The following SETD7 variants were observed in gnomAD, a reference collection of about 807,000 sequenced individuals.
SETD7 encodes the protein SET domain containing 7, histone lysine methyltransferase, also known as histone-lysine N-methyltransferase SETD7.
A neutral mutation model predicts 41.8 loss-of-function variants in SETD7; 16 were observed. The ratio of observed to expected loss-of-function variants is 0.38; its 90% CI spans 0.26 to 0.58. The LOEUF is 0.58. Among genes scored for constraint, SETD7 ranks in the 20% least tolerant of loss-of-function variants. The pLI is 0.64. For missense variants in SETD7, 346 were observed against 459.7 expected (o/e 0.75, Z 2.26); for synonymous variants, 163 against 169.7 (o/e 0.96, Z 0.31).
intron 2 of SETD7, 124 bp downstream of exon 2, chr4:139,546,796 G>T: frequency 7.6e-7 from 1 of 1,315,378 alleles, no homozygotes; most frequent in Non-Finnish European, 1.1e-6. Context: ...CTACAGGTAG[G>T]GGTTAATTTT....
In SETD7 at chr4:139,538,644, C is replaced by T. The variant is rs918116069; in HGVS notation, c.171-5278G>A. Among the ~76,000 whole-genome samples, 8 of 151,778 alleles carry T rather than the reference C, an allele frequency of 5.3e-5. 1 individual carries two copies. The highest frequency in any genetic ancestry group is 2.0e-4 in the Admixed American group (3 of 15,252). ...GGCCACTCTTTTCATTTCTATACCACGCATTTTCCTACCTTCTGTTTTTGT... is the reference window on the plus strand; with the variant it reads ...GGCCACTCTTTTCATTTCTATACCATGCATTTTCCTACCTTCTGTTTTTGT... On this transcript the variant is annotated intron_variant, in intron 2 of 7. Coordinates refer to ENST00000274031, the MANE Select transcript of SETD7 (RefSeq NM_030648.4).
chr4:139,526,212 A>G (rs982693155), intron 4 of SETD7, among the ~76,000 whole-genome samples: 1 of 151,852 alleles, frequency 6.6e-6, no homozygotes, highest in Admixed American at 6.6e-5. Flanking sequence ...TACCACACCC[A>G]GCTAAAGCAA....
chr4:139,511,965 G>C, intron 7 of SETD7, 122 bp from the exon 8 acceptor site: 1 of 1,442,818 alleles, frequency 6.9e-7, no homozygotes, highest in Non-Finnish European at 9.1e-7. Flanking sequence ...CCTGGTATGT[G>C]CCCAAAGTGT....
In SETD7 at chr4:139,517,867, G is replaced by C. The variant is rs772626078; in HGVS notation, c.920+18C>G. 1.9e-6 allele frequency: 3 copies of C among 1,607,328 alleles called. No homozygotes were observed. The highest frequency in any genetic ancestry group is 2.6e-6 in the Non-Finnish European group (3 of 1,176,030). On this transcript the variant is annotated intron_variant, in intron 7 of 7. Coordinates refer to ENST00000274031, the MANE Select transcript of SETD7 (RefSeq NM_030648.4). ...CCTGAGGCATAGATCCGCCCCAGCAGCTCTGGGTAATACTTACATATCGTA... is the reference window on the plus strand; with the variant it reads ...CCTGAGGCATAGATCCGCCCCAGCACCTCTGGGTAATACTTACATATCGTA...
downstream of SETD7, among the ~76,000 whole-genome samples, chr4:139,504,821 T>C (rs1423712509): frequency 6.6e-6 from 1 of 152,234 alleles, no homozygotes; most frequent in African/African-American, 2.4e-5. Context: ...ATCAATCATC[T>C]TAACCCATGA....
At chr4:139,497,098 T>C (rs529394530) in intron 7 of SETD7, among the ~76,000 whole-genome samples, 2 of 152,286 alleles carry the variant, frequency 1.3e-5, no homozygotes, top group South Asian at 4.1e-4. Flanking sequence ...TAAACCAGTT[T>C]TGTTCAACTT....
chr4:139,500,946 A>G (rs1473353519), intron 7 of SETD7, among the ~76,000 whole-genome samples: 4 of 151,986 alleles, frequency 2.6e-5, no homozygotes, highest in Non-Finnish European at 4.4e-5. Flanking sequence ...TTCCCACCTC[A>G]GGTCGTGGCT....
chr4:139,533,965 CTATGTATG>C (rs151148025), intron 2 of SETD7, among the ~76,000 whole-genome samples: 73 of 148,542 alleles, frequency 4.9e-4, no homozygotes, highest in African/African-American at 1.8e-3. Context: ...ATCTATATAT[CTATGTATG>C]TATGTATGTA....
downstream of SETD7, among the ~76,000 whole-genome samples, chr4:139,495,141 T>A (rs1053811284): frequency 1.3e-5 from 2 of 152,262 alleles, no homozygotes; most frequent in African/African-American, 4.8e-5. Context: ...TAATATCATT[T>A]CTACTGTGAA....
chr4:139,524,822 C>CT (rs1022204098), intron 4 of SETD7, among the ~76,000 whole-genome samples: 3 of 151,570 alleles, frequency 2.0e-5, no homozygotes, highest in Admixed American at 6.6e-5. Flanking sequence ...CCCTCCCCCA[C>CT]TTTTTTTTTC....
chr4:139,553,318 A>G (rs1044942885), intron 1 of SETD7, among the ~76,000 whole-genome samples: 31 of 152,212 alleles, frequency 2.0e-4, no homozygotes, highest in African/African-American at 7.0e-4. Context: ...AAAGATAGCT[A>G]TTGCAGAGGA....
chr4:139,516,530 T>C (rs1727032789), intron 7 of SETD7, among the ~76,000 whole-genome samples: 1 of 151,548 alleles, frequency 6.6e-6, no homozygotes, highest in African/African-American at 2.4e-5. Context: ...CAGAAGCTAA[T>C]TTTGTAATGT....
At chr4:139,505,138 A>G (rs1287908878), downstream of SETD7, among the ~76,000 whole-genome samples, 1 of 152,154 alleles carries the variant, frequency 6.6e-6, no homozygotes, top group East Asian at 1.9e-4. Context: ...AAAATAAAGC[A>G]GGAGATCTCA....
intron 7 of SETD7, 58 bp downstream of exon 7, chr4:139,517,827 C>A: frequency 6.5e-7 from 1 of 1,536,506 alleles, no homozygotes. Flanking sequence ...TTACTGCCCT[C>A]CTCCGTCTCA....
chr4:139,538,281 A>C (rs1172027023), intron 2 of SETD7, among the ~76,000 whole-genome samples: 1 of 152,234 alleles, frequency 6.6e-6, no homozygotes, highest in African/African-American at 2.4e-5. Context: ...AGATGCAGAA[A>C]GTAGAAATTC....
At chr4:139,513,871 G>T (rs1726947760) in intron 7 of SETD7, among the ~76,000 whole-genome samples, 1 of 152,254 alleles carries the variant, frequency 6.6e-6, no homozygotes, top group Admixed American at 6.5e-5. Flanking sequence ...CTGCCTGTGA[G>T]CATGCATGTG....
At chr4:139,530,914 C>T (rs1190149711) in intron 3 of SETD7, among the ~76,000 whole-genome samples, 1 of 152,020 alleles carries the variant, frequency 6.6e-6, no homozygotes, top group Non-Finnish European at 1.5e-5. Flanking sequence ...ACTTTTTTCT[C>T]CCCTTGTTCC....
At chr4:139,517,772 G>T in intron 7 of SETD7, 113 bp downstream of exon 7, 1 of 1,143,958 alleles carries the variant, frequency 8.7e-7, no homozygotes. Flanking sequence ...AGGACCCATG[G>T]TCATTCAGAT....
At chr4:139,534,128 G>C (rs1447465973) in intron 2 of SETD7, among the ~76,000 whole-genome samples, 1 of 151,988 alleles carries the variant, frequency 6.6e-6, no homozygotes, top group Admixed American at 6.6e-5. Context: ...AAGCTCACAG[G>C]GATGCTCACG....
Sources: allele counts gnomAD v4.1 joint callset (sites outside exome capture counted in the v4.1 genomes callset), GRCh38; gene constraint gnomAD v4.1.1; transcripts MANE v1.5; gene names NCBI Gene and HGNC (gene_info 2026-07-23, HGNC 2026-07-21).